PRKN: variants seen among roughly 807,000 people sequenced by gnomAD.
PRKN encodes the protein parkin RBR E3 ubiquitin protein ligase.
PRKN carries 56 observed loss-of-function variants against 59.5 expected under a neutral mutation model. The observed-to-expected ratio is 0.94, with a 90% CI of 0.76 to 1.18. The LOEUF is 1.18. Ranked by LOEUF, PRKN falls within the 50% of genes most tolerant of loss-of-function variation. The probability of loss-of-function intolerance (pLI) is 0.00; values close to 1 mark genes in which losing one functional copy is unlikely to be tolerated. For missense variants in PRKN, 657 were observed against 596.4 expected (o/e 1.10, Z -1.06); for synonymous variants, 250 against 222.1 (o/e 1.13, Z -1.12).
intron 7 of PRKN, among the ~76,000 whole-genome samples, chr6:161,640,402 G>T (rs569549392): frequency 1.3e-5 from 2 of 152,280 alleles, no homozygotes; most frequent in African/African-American, 4.8e-5. Context: ...CACTGGGGTA[G>T]TCTTGGAGCA....
chr6:162,425,424 CCA>C (rs1789186444), intron 2 of PRKN, among the ~76,000 whole-genome samples: 1 of 152,010 alleles, frequency 6.6e-6, no homozygotes, highest in Admixed American at 6.6e-5. Context: ...TACCTAAGAA[CCA>C]CAGACACAGA....
intron 9 of PRKN, among the ~76,000 whole-genome samples, chr6:161,504,708 T>A (rs1778090703): frequency 7.8e-6 from 1 of 128,284 alleles, no homozygotes; most frequent in Non-Finnish European, 1.6e-5. Flanking sequence ...CAGAGTGTGA[T>A]GTTCCCCCTC....
chr6:161,497,718 G>T lies in PRKN; in HGVS notation c.1083+51136C>A, dbSNP rs1050202464. Among the ~76,000 whole-genome samples, 1 of 152,094 alleles carries T rather than the reference G, an allele frequency of 6.6e-6. No individual in the cohort carries two copies. Among genetic ancestry groups the T allele is most frequent in the South Asian group, 2.1e-4 (1 of 4,820 alleles). On this transcript the variant is annotated intron_variant, in intron 9 of 11. Coordinates refer to ENST00000366898, the MANE Select transcript of PRKN (RefSeq NM_004562.3). This position sits in a 1 kb window ranked among gnomAD's most constrained non-coding sequence, Gnocchi z 4.6. ...GCTCAATTATCTCTTCCTTTTGACA[G>T]AATTCACATCAAATGCAAACAAGAT... is the stretch of plus-strand genomic sequence containing the variant.
chr6:161,577,973 G>T (rs1781196905), intron 7 of PRKN, among the ~76,000 whole-genome samples: 1 of 152,098 alleles, frequency 6.6e-6, no homozygotes, highest in South Asian at 2.1e-4. Flanking sequence ...AACAACTCTT[G>T]AGTGTACACT....
chr6:162,143,890 G>C (rs1781890979), intron 4 of PRKN, among the ~76,000 whole-genome samples: 1 of 152,170 alleles, frequency 6.6e-6, no homozygotes, highest in South Asian at 2.1e-4. Context: ...GTCACAGAGA[G>C]ATATGAGTAA....
At chr6:162,304,499 CTATCTAT>C (rs1782124933) in intron 2 of PRKN, among the ~76,000 whole-genome samples, 1 of 104,720 alleles carries the variant, frequency 9.5e-6, no homozygotes, top group African/African-American at 4.4e-5. Flanking sequence ...TTCTATCTAT[CTATCTAT>C]CTATCTATCT....
intron 4 of PRKN, among the ~76,000 whole-genome samples, chr6:162,169,946 G>A (rs902089378): frequency 1.2e-4 from 19 of 152,120 alleles, no homozygotes; most frequent in African/African-American, 4.6e-4. Flanking sequence ...AAACGTGATG[G>A]GGGAAGAAAG....
rs966530150 is a variant in PRKN at position 161,548,122 on chromosome 6, A to G, written c.1083+732T>C. Among the ~76,000 whole-genome samples, 3 of 152,196 alleles carry G rather than the reference A, an allele frequency of 2.0e-5. No homozygotes were observed. The highest frequency in any genetic ancestry group is 7.2e-5 in the African/African-American group (3 of 41,456). On this transcript the variant is annotated intron_variant, in intron 9 of 11. Transcript: ENST00000366898. This position sits in a 1 kb window ranked among gnomAD's most constrained non-coding sequence, Gnocchi z 4.2. ...TCAATAGACTTTTATATGCACATAC[A>G]CTTTCTCACTTTTCCAGGCTGCATG...
intron 5 of PRKN, among the ~76,000 whole-genome samples, chr6:161,981,123 T>G (rs1428745858): frequency 6.6e-6 from 1 of 152,186 alleles, no homozygotes; most frequent in Non-Finnish European, 1.5e-5. Context: ...ATCAGAAAGA[T>G]TCTCACAGTT....
At chr6:161,906,587 T>A (rs989908248) in intron 6 of PRKN, among the ~76,000 whole-genome samples, 38 of 151,106 alleles carry the variant, frequency 2.5e-4, no homozygotes, top group Admixed American at 2.1e-3. Context: ...TACAACCTTC[T>A]AGGGATCAGG....
intron 7 of PRKN, among the ~76,000 whole-genome samples, chr6:161,681,544 ATC>A (rs1220429917): frequency 6.6e-6 from 1 of 152,052 alleles, no homozygotes; most frequent in East Asian, 1.9e-4. Flanking sequence ...TTAAAATAGC[ATC>A]TGATTTCCTA....
chr6:161,349,590 C>T lies in PRKN; in HGVS notation c.*509G>A, dbSNP rs912250905. ...GAACATTACTGTTAAAGCCATGAAT[C>T]TAGTTTGGAGAACCCACTGCAGTTC... On this transcript the variant is annotated 3_prime_UTR_variant, in exon 12 of 12. Transcript: ENST00000366898. The surrounding 1 kb of genome is among the most constrained non-coding windows in gnomAD (Gnocchi z 5.5). 1 of 242,654 alleles carries T rather than the reference C, an allele frequency of 4.1e-6. No homozygotes were observed. Among genetic ancestry groups the T allele is most frequent in the Non-Finnish European group, 8.1e-6 (1 of 123,498 alleles). 15.0% of individuals were successfully genotyped at this position (242,654 alleles called of 1,614,324 possible).
intron 7 of PRKN, among the ~76,000 whole-genome samples, chr6:161,660,224 C>T (rs1341549604): frequency 1.3e-5 from 2 of 152,104 alleles, no homozygotes; most frequent in Non-Finnish European, 1.5e-5. Flanking sequence ...TCACGTAGTA[C>T]GCATTGCTGA....
chr6:161,559,453 C>T (rs576337532), intron 8 of PRKN, among the ~76,000 whole-genome samples: 101 of 152,334 alleles, frequency 6.6e-4, no homozygotes, highest in Middle Eastern at 3.4e-3. Context: ...TCACTCTTTG[C>T]TCTCATCCCA....
intron 9 of PRKN, among the ~76,000 whole-genome samples, chr6:161,427,422 CTT>C (rs1393373663): frequency 6.6e-6 from 1 of 152,120 alleles, no homozygotes; most frequent in Admixed American, 6.5e-5. Flanking sequence ...AGTTGAATAA[CTT>C]ACTCAAGCCC....
chr6:162,157,910 C>A (rs1782584312), intron 4 of PRKN, among the ~76,000 whole-genome samples: 2 of 152,012 alleles, frequency 1.3e-5, no homozygotes, highest in Admixed American at 1.3e-4. Context: ...TACTTTCAGT[C>A]CTCTGGTCTC....
intron 3 of PRKN, among the ~76,000 whole-genome samples, chr6:162,205,143 G>A (rs905488035): frequency 3.3e-5 from 5 of 152,026 alleles, no homozygotes; most frequent in African/African-American, 1.2e-4. Context: ...TTACATGCAT[G>A]AGCCACCACG....
At chr6:161,943,129 T>C (rs1284669240) in intron 6 of PRKN, among the ~76,000 whole-genome samples, 2 of 152,240 alleles carry the variant, frequency 1.3e-5, no homozygotes, top group African/African-American at 4.8e-5. Context: ...ATTTTAGGCT[T>C]ATTAACCTCA....
chr6:162,324,544 C>T (rs1783179725), intron 2 of PRKN, among the ~76,000 whole-genome samples: 1 of 152,104 alleles, frequency 6.6e-6, no homozygotes, highest in East Asian at 1.9e-4. Context: ...TACTGGAAAT[C>T]TTGAACAGTA....
Sources: allele counts gnomAD v4.1 joint callset (sites outside exome capture counted in the v4.1 genomes callset), GRCh38; gene constraint gnomAD v4.1.1; non-coding constraint Gnocchi (gnomAD v3.1); transcripts MANE v1.5; gene names NCBI Gene and HGNC (gene_info 2026-07-23, HGNC 2026-07-21).